Variants in LRRC38 observed in about 807,000 individuals in gnomAD.
LRRC38 encodes leucine rich repeat containing 38.
In LRRC38, 5 loss-of-function variants were observed where a neutral mutation model predicts 16.4. That is an observed-to-expected ratio of 0.31 (90% CI 0.16 to 0.64). The LOEUF (loss-of-function observed/expected upper bound fraction) is 0.64, where lower values mean the gene tolerates loss of function less well. Ranked by LOEUF, LRRC38 falls within the 30% of genes least tolerant of loss-of-function variation. The probability of loss-of-function intolerance (pLI) is 0.80; values close to 1 mark genes in which losing one functional copy is unlikely to be tolerated. For missense variants in LRRC38, 341 were observed against 401.8 expected (o/e 0.85, Z 1.29); for synonymous variants, 191 against 190.2 (o/e 1.00, Z -0.04).
At chr1:13,494,398 C>CTTT (rs34023623) in intron 1 of LRRC38, among the ~76,000 whole-genome samples, 2 of 123,974 alleles carry the variant, frequency 1.6e-5, no homozygotes, top group African/African-American at 2.9e-5. Flanking sequence ...CTGTGCTAGA[C>CTTT]TTTTTTTTTT....
intron 1 of LRRC38, among the ~76,000 whole-genome samples, chr1:13,485,391 C>T (rs776200477): frequency 2.0e-5 from 3 of 151,462 alleles, no homozygotes; most frequent in Non-Finnish European, 4.4e-5. Context: ...TCCTGGCTAA[C>T]ACGGTGAAAC....
intron 1 of LRRC38, among the ~76,000 whole-genome samples, chr1:13,483,671 C>T (rs909425344): frequency 6.6e-6 from 1 of 152,208 alleles, no homozygotes; most frequent in Non-Finnish European, 1.5e-5. Flanking sequence ...CACTTCACCA[C>T]CTGGTGCCTG....
intron 1 of LRRC38, among the ~76,000 whole-genome samples, chr1:13,480,690 A>T (rs12044360): frequency 0.31 from 46,568 of 151,860 alleles, 8,002 homozygotes; most frequent in East Asian, 0.57. Flanking sequence ...TCACCTCTAC[A>T]TGCGCTCTTG....
intron 1 of LRRC38, among the ~76,000 whole-genome samples, chr1:13,480,530 T>G (rs1638839340): frequency 6.6e-6 from 1 of 152,208 alleles, no homozygotes; most frequent in Admixed American, 6.5e-5. Context: ...ATGGTTTGGC[T>G]GTGTCCTCAC....
At chr1:13,483,367 T>A (rs1638892565) in intron 1 of LRRC38, among the ~76,000 whole-genome samples, 1 of 152,168 alleles carries the variant, frequency 6.6e-6, no homozygotes, top group South Asian at 2.1e-4. Flanking sequence ...CAGGTTGGTC[T>A]CAAACTCCAG....
chr1:13,504,372 C>T (rs565104502), intron 1 of LRRC38, among the ~76,000 whole-genome samples: 15 of 152,200 alleles, frequency 9.9e-5, no homozygotes, highest in African/African-American at 3.1e-4. Context: ...TACATATTTT[C>T]TGCCACACAG....
intron 1 of LRRC38, among the ~76,000 whole-genome samples, chr1:13,507,840 CA>C (rs1397000516): frequency 6.6e-6 from 1 of 150,452 alleles, no homozygotes; most frequent in Admixed American, 6.6e-5. Flanking sequence ...TCAAAACAAA[CA>C]AACAAACAAA....
chr1:13,513,513 C>T lies in LRRC38; in HGVS notation c.81G>A (p.Ala27=), dbSNP rs2100532508. ...CGGTGCAGGCGCAGCCCGCGGGGCA[C>T]GCGTGCCCGGGCGCGAGCAGCAGCA... The part of the protein sequence containing the change: ...SLLLLLAPGH[A]CPAGCACTDP... The change falls in exon 1 of 2, where the codon GCG becomes GCA. Residue 27 remains alanine, a synonymous_variant. Transcript: ENST00000376085. The T allele has an allele frequency of 2.8e-6, 4 of 1,449,964 alleles. No individual in the cohort carries two copies. The South Asian group carries it at 4.4e-5, about 16-fold the overall frequency. 89.8% of individuals were successfully genotyped at this position (1,449,964 alleles called of 1,614,324 possible).
chr1:13,513,310 A>C lies in LRRC38; in HGVS notation c.284T>G (p.Leu95Arg). The C allele has an allele frequency of 6.4e-7, 1 of 1,550,898 alleles. No homozygotes were observed. The highest frequency in any genetic ancestry group is 8.7e-7 in the Non-Finnish European group (1 of 1,147,034). ...LDFRNNSLRS[L>R]EEGTFSGSAK... The stretch of plus-strand genomic sequence containing the variant: ...CGAGCCGCTGAACGTGCCCTCCTCC[A>C]GCGAGCGCAGCGAGTTGTTCCTGAA... The change falls in exon 1 of 2, where the codon CTG (leucine) becomes CGG (arginine). Residue 95 changes from leucine to arginine, a missense_variant. Transcript: ENST00000376085.
At chr1:13,483,709 T>G (rs920324779) in intron 1 of LRRC38, among the ~76,000 whole-genome samples, 3 of 152,186 alleles carry the variant, frequency 2.0e-5, no homozygotes, top group Non-Finnish European at 4.4e-5. Context: ...CCCAGCCACC[T>G]TGAGTGCCTC....
chr1:13,510,660 G>A (rs1639263765), intron 1 of LRRC38, among the ~76,000 whole-genome samples: 1 of 150,694 alleles, frequency 6.6e-6, no homozygotes, highest in South Asian at 2.1e-4. Flanking sequence ...GCAGGAGGAG[G>A]AGGGAGGGGG....
At chr1:13,506,724 G>A (rs934950133) in intron 1 of LRRC38, among the ~76,000 whole-genome samples, 1 of 152,230 alleles carries the variant, frequency 6.6e-6, no homozygotes, top group African/African-American at 2.4e-5. Context: ...CTCCCAAAGT[G>A]CTGGGATTAC....
At chr1:13,480,280 G>C (rs530708199) in intron 1 of LRRC38, among the ~76,000 whole-genome samples, 13 of 152,234 alleles carry the variant, frequency 8.5e-5, no homozygotes, top group African/African-American at 3.1e-4. Context: ...CGGAGGTAGA[G>C]GCTGCAGTGA....
At chr1:13,482,164 G>A (rs1638877483) in intron 1 of LRRC38, among the ~76,000 whole-genome samples, 1 of 152,148 alleles carries the variant, frequency 6.6e-6, no homozygotes. Flanking sequence ...ATGGAAGGAA[G>A]GCAGGGAGAG....
intron 1 of LRRC38, among the ~76,000 whole-genome samples, chr1:13,498,928 C>A (rs1265068577): frequency 6.6e-6 from 1 of 152,134 alleles, no homozygotes; most frequent in African/African-American, 2.4e-5. Flanking sequence ...CGGTGGTTTG[C>A]TGGGAATCTC....
At chr1:13,478,752 C>T (rs1206535711) in intron 1 of LRRC38, among the ~76,000 whole-genome samples, 2 of 152,212 alleles carry the variant, frequency 1.3e-5, no homozygotes, top group African/African-American at 4.8e-5. Flanking sequence ...AGCAACCCTG[C>T]AACCACCCTG....
intron 1 of LRRC38, among the ~76,000 whole-genome samples, chr1:13,504,769 G>GGGAGGGA (rs1639190943): frequency 1.1e-4 from 9 of 80,336 alleles, no homozygotes; most frequent in African/African-American, 4.3e-4. Context: ...GAGGGGAAGG[G>GGGAGGGA]AGGGAAGGGG....
Position 13,513,320 on chromosome 1 carries a change from G to C in LRRC38, c.274C>G (p.Leu92Val). ...AACGTGCCCTCCTCCAGCGAGCGCA[G>C]CGAGTTGTTCCTGAAGTCCAGGTAG... ...LVYLDFRNNS[L>V]RSLEEGTFSG... Residue 92 changes from leucine to valine, a missense_variant, in exon 1 of 2, where the codon CTG (leucine) becomes GTG (valine). Transcript: ENST00000376085. 1 of 1,550,952 alleles carries C rather than the reference G, an allele frequency of 6.4e-7. No homozygotes were observed. Among genetic ancestry groups the C allele is most frequent in the Non-Finnish European group, 8.7e-7 (1 of 1,147,040 alleles).
intron 1 of LRRC38, among the ~76,000 whole-genome samples, chr1:13,488,817 C>T (rs1638973132): frequency 6.6e-6 from 1 of 152,150 alleles, no homozygotes; most frequent in Non-Finnish European, 1.5e-5. Flanking sequence ...GGAGCTATGA[C>T]ATGAGCTTTG....
Sources: allele counts gnomAD v4.1 joint callset (sites outside exome capture counted in the v4.1 genomes callset), GRCh38; gene constraint gnomAD v4.1.1; transcripts MANE v1.5; gene names NCBI Gene and HGNC (gene_info 2026-07-23, HGNC 2026-07-21).